GABRA3: variants seen among roughly 807,000 people sequenced by gnomAD.
GABRA3 encodes the protein gamma-aminobutyric acid receptor subunit alpha-3.
Under a neutral mutation model 30.1 loss-of-function variants are expected in GABRA3, and 10 were observed. That is an observed-to-expected ratio of 0.33 (90% CI 0.20 to 0.56). The LOEUF (loss-of-function observed/expected upper bound fraction) is 0.56. Among genes scored for constraint, GABRA3 ranks in the 20% least tolerant of loss-of-function variants. The pLI, the probability that GABRA3 is intolerant of heterozygous loss-of-function variation, is 0.89. For missense variants in GABRA3, 233 were observed against 392.0 expected (o/e 0.59, Z 3.42); for synonymous variants, 151 against 146.8 (o/e 1.03, Z -0.21).
chrX:152,276,648 GA>G (rs1204027865), intron 4 of GABRA3, among the ~76,000 whole-genome samples: 2 of 111,819 alleles, frequency 1.8e-5, no homozygotes, highest in Admixed American at 9.6e-5. Context: ...ATGAATGTAT[GA>G]CCACATATTC....
intron 1 of GABRA3, among the ~76,000 whole-genome samples, chrX:152,424,186 T>G (rs1930454380): frequency 9.0e-6 from 1 of 111,139 alleles, no homozygotes; most frequent in Admixed American, 9.6e-5. Flanking sequence ...CAGTGAACAG[T>G]ACCATCATCT....
At chrX:152,286,429 C>T (rs1376106254) in intron 3 of GABRA3, among the ~76,000 whole-genome samples, 1 of 110,593 alleles carries the variant, frequency 9.0e-6, no homozygotes, top group Non-Finnish European at 1.9e-5. Flanking sequence ...TCCAGCCCAG[C>T]ATAGCTGACC....
intron 1 of GABRA3, among the ~76,000 whole-genome samples, chrX:152,404,852 C>A (rs1929889131): frequency 9.3e-6 from 1 of 107,167 alleles, no homozygotes; most frequent in Non-Finnish European, 1.9e-5. Flanking sequence ...CTTCAATGAC[C>A]ACAAAACACA....
chrX:152,369,804 T>C (rs1249353148), intron 1 of GABRA3, among the ~76,000 whole-genome samples: 3 of 111,451 alleles, frequency 2.7e-5, no homozygotes, highest in Non-Finnish European at 5.6e-5. Flanking sequence ...TGGTTTTTTT[T>C]AAATTCAAAG....
At chrX:152,223,023 C>T (rs1228145895) in intron 6 of GABRA3, among the ~76,000 whole-genome samples, 1 of 111,361 alleles carries the variant, frequency 9.0e-6, no homozygotes, top group African/African-American at 3.3e-5. Flanking sequence ...AGATATTTCC[C>T]TTGTGTCACC....
Position 152,189,949 on chromosome X carries a change from G to T in GABRA3, c.932-8C>A. On this transcript the variant is annotated splice_polypyrimidine_tract_variant and splice_region_variant and intron_variant, in intron 8 of 9. Coordinates refer to ENST00000370314, the MANE Select transcript of GABRA3 (RefSeq NM_000808.4). ...TAAGCACAGTGGTGACACCTGAGGA[G>T]AGGAAAGATGAGAACCAGTTGCAAC... The T allele has an allele frequency of 8.8e-7, 1 of 1,139,351 alleles. No individual in the cohort carries two copies. The highest frequency in any genetic ancestry group is 3.0e-5 in the East Asian group (1 of 32,981). The allele number at this position is 1,139,351 out of a possible 1,213,427, so 93.9% of individuals were successfully genotyped here.
chrX:152,288,197 T>C (rs1048335595), intron 3 of GABRA3, among the ~76,000 whole-genome samples: 3 of 111,546 alleles, frequency 2.7e-5, no homozygotes, highest in Non-Finnish European at 5.6e-5. Context: ...TTGACATGAC[T>C]CCAGTGTTCT....
At chrX:152,328,242 G>A (rs769798461) in intron 3 of GABRA3, among the ~76,000 whole-genome samples, 9 of 111,542 alleles carry the variant, frequency 8.1e-5, no homozygotes, top group African/African-American at 1.3e-4. Flanking sequence ...AGGACCAGAC[G>A]GATTTACAGC....
chrX:152,249,055 C>G (rs1462926320), intron 5 of GABRA3, among the ~76,000 whole-genome samples: 1 of 111,270 alleles, frequency 9.0e-6, no homozygotes, highest in East Asian at 2.8e-4. Context: ...CTGTCATGCA[C>G]AAATCCTTCC....
chrX:152,192,456 A>G (rs1937335591), intron 8 of GABRA3, among the ~76,000 whole-genome samples: 1 of 111,735 alleles, frequency 8.9e-6, no homozygotes, highest in African/African-American at 3.3e-5. Flanking sequence ...GGCACAGCCA[A>G]GTAGCCCACT....
intron 8 of GABRA3, among the ~76,000 whole-genome samples, chrX:152,196,644 A>C (rs1313094639): frequency 1.8e-5 from 2 of 111,430 alleles, no homozygotes; most frequent in African/African-American, 6.5e-5. Flanking sequence ...AGCCAAGTAT[A>C]TCACAATACC....
Position 152,414,856 on chromosome X carries a change from CAA to C in GABRA3, c.-27+36288_-27+36289del, listed in dbSNP as rs57587537. Among the ~76,000 whole-genome samples the C allele has an allele frequency of 5.0e-3, 415 of 82,664 alleles. 3 individuals are homozygous for C. Among genetic ancestry groups the C allele is most frequent in the African/African-American group, 0.011 (258 of 22,774 alleles). The allele number at this position is 82,664 out of a possible 115,157, so 71.8% of individuals were successfully genotyped here. ...TAAAAAAAATGAGCTATCGAACCACCAAAAAAAAAAAAAAAACCATGGAGGAA... is the reference window on the plus strand; with the variant it reads ...TAAAAAAAATGAGCTATCGAACCACCAAAAAAAAAAAAAACCATGGAGGAA... On this transcript the variant is annotated intron_variant, in intron 1 of 9. Transcript: ENST00000370314.
At chrX:152,365,077 T>C (rs979561928) in intron 1 of GABRA3, among the ~76,000 whole-genome samples, 2 of 111,883 alleles carry the variant, frequency 1.8e-5, no homozygotes, top group Admixed American at 1.9e-4. Flanking sequence ...GTTAACTGTG[T>C]AATATCGTAG....
At chrX:152,398,972 T>C (rs1404134950) in intron 1 of GABRA3, among the ~76,000 whole-genome samples, 1 of 111,579 alleles carries the variant, frequency 9.0e-6, no homozygotes, top group African/African-American at 3.3e-5. Context: ...ATAAAACATT[T>C]TACTTTCTCA....
intron 3 of GABRA3, among the ~76,000 whole-genome samples, chrX:152,309,732 CAT>C (rs1457360062): frequency 1.8e-5 from 2 of 111,728 alleles, no homozygotes; most frequent in African/African-American, 6.5e-5. Flanking sequence ...AGCAAGTCTA[CAT>C]AACAACCAGT....
intron 7 of GABRA3, among the ~76,000 whole-genome samples, chrX:152,198,631 C>G (rs1208872983): frequency 8.9e-6 from 1 of 111,951 alleles, no homozygotes; most frequent in African/African-American, 3.3e-5. Flanking sequence ...GGCCATGATG[C>G]TTTTCTGGTT....
At chrX:152,376,522 C>T (rs1440522536) in intron 1 of GABRA3, among the ~76,000 whole-genome samples, 1 of 110,880 alleles carries the variant, frequency 9.0e-6, no homozygotes, top group Non-Finnish European at 1.9e-5. Flanking sequence ...TCCTTTCCAT[C>T]GACTCTCCTT....
intron 2 of GABRA3, among the ~76,000 whole-genome samples, chrX:152,359,487 TC>T: frequency 9.0e-6 from 1 of 111,477 alleles, no homozygotes; most frequent in Middle Eastern, 4.7e-3. Flanking sequence ...TCCATCTTAT[TC>T]ATTCTTTCAA....
At chrX:152,441,183 T>C (rs1380372127) in intron 1 of GABRA3, among the ~76,000 whole-genome samples, 3 of 111,283 alleles carry the variant, frequency 2.7e-5, no homozygotes, top group African/African-American at 9.8e-5. Flanking sequence ...ATCATATACA[T>C]GTGTCAGAAC....
Sources: allele counts gnomAD v4.1 joint callset (sites outside exome capture counted in the v4.1 genomes callset), GRCh38; gene constraint gnomAD v4.1.1; transcripts MANE v1.5; gene names NCBI Gene and HGNC (gene_info 2026-07-23, HGNC 2026-07-21).